The following EIF5B variants were observed in gnomAD, a reference collection of about 807,000 sequenced individuals.
EIF5B encodes the protein eukaryotic translation initiation factor 5B.
EIF5B carries 47 observed loss-of-function variants against 147.5 expected under a neutral mutation model. The observed-to-expected ratio is 0.32, with a 90% CI of 0.25 to 0.41. The LOEUF is 0.41. EIF5B is among the 10% of genes least tolerant of loss of function. EIF5B has a pLI of 1.00. For missense variants in EIF5B, 1,064 were observed against 1,413.2 expected, an observed-to-expected ratio of 0.75 and a Z score of 3.96; for synonymous variants, 455 against 456.2, an observed-to-expected ratio of 1.00 and a Z score of 0.03.
chr2:99,368,003 G>T (rs1674366202), intron 6 of EIF5B, among the ~76,000 whole-genome samples: 2 of 152,178 alleles, frequency 1.3e-5, no homozygotes, highest in African/African-American at 4.8e-5. Flanking sequence ...TAAGCAAACT[G>T]ATATATCCAT....
intron 1 of EIF5B, chr2:99,338,434 AC>A (rs2094249576): frequency 2.3e-6 from 2 of 863,540 alleles, no homozygotes; most frequent in South Asian, 2.8e-5. Flanking sequence ...TTCGTACACT[AC>A]CCACCAAACT....
Position 99,399,746 on chromosome 2 carries a change from TG to T in EIF5B, c.*333del, listed in dbSNP as rs1675163158. 1 of 240,856 alleles carries T rather than the reference TG, an allele frequency of 4.2e-6. No homozygotes were observed. Among genetic ancestry groups the T allele is most frequent in the Non-Finnish European group, 8.4e-6 (1 of 119,014 alleles). The allele number at this position is 240,856 out of a possible 1,614,324, so 14.9% of individuals were successfully genotyped here. On this transcript the variant is annotated 3_prime_UTR_variant, in exon 24 of 24. Coordinates refer to ENST00000289371, the MANE Select transcript of EIF5B (RefSeq NM_015904.4). ...ATCTAAAGCTCTTTCGATTTTATAC[TG>T]ATTAAATCAGTACTGCAGTATTTGA...
Position 99,361,253 on chromosome 2 carries a change from G to T in EIF5B, c.352G>T (p.Asp118Tyr). 1 of 1,612,668 alleles carries T rather than the reference G, an allele frequency of 6.2e-7. No individual in the cohort carries two copies. The highest frequency in any genetic ancestry group is 1.1e-5 in the South Asian group (1 of 90,632). ...TGATAATGATAGCGAAGAATTGGAA[G>T]ATAAAGATTCAAAATCAAAAAAGAC... Reference protein sequence around the residue: ...FDDNDSEELEDKDSKSKKTAK... With the variant: ...FDDNDSEELEYKDSKSKKTAK... Residue 118 changes from aspartate (D) to tyrosine (Y), a missense_variant, in exon 4 of 24, where the codon GAT becomes TAT. By Grantham distance (160) the Asp-to-Tyr change is radical. This residue lies in a region of EIF5B where 458 missense variants were observed against 451.3 expected (regional missense o/e 1.01). Transcript: ENST00000289371.
chr2:99,369,849 G>T (rs537427059), intron 8 of EIF5B, among the ~76,000 whole-genome samples: 2 of 151,674 alleles, frequency 1.3e-5, no homozygotes, highest in African/African-American at 2.4e-5. Flanking sequence ...GGTGGCGGGT[G>T]CCTGTAATCC....
At chr2:99,385,947 T>C (rs1248810262) in intron 14 of EIF5B, among the ~76,000 whole-genome samples, 2 of 152,262 alleles carry the variant, frequency 1.3e-5, no homozygotes, top group Non-Finnish European at 2.9e-5. Flanking sequence ...TTGCCTGTTT[T>C]ATGATTTCAT....
chr2:99,353,706 T>A (rs1674033406), intron 1 of EIF5B, among the ~76,000 whole-genome samples: 1 of 152,214 alleles, frequency 6.6e-6, no homozygotes, highest in Admixed American at 6.5e-5. Flanking sequence ...CTCACCTGTC[T>A]CTAACCTCAG....
intron 4 of EIF5B, among the ~76,000 whole-genome samples, 154 bp downstream of exon 4, chr2:99,361,974 C>T (rs1574925878): frequency 1.3e-5 from 2 of 152,166 alleles, no homozygotes; most frequent in East Asian, 3.8e-4. Flanking sequence ...AAGTATTTGA[C>T]TTGATTTGCA....
intron 17 of EIF5B, among the ~76,000 whole-genome samples, 186 bp downstream of exon 17, chr2:99,390,891 G>A (rs1055084505): frequency 2.0e-5 from 3 of 152,182 alleles, no homozygotes; most frequent in Non-Finnish European, 4.4e-5. Flanking sequence ...ATGTGTGAAA[G>A]TACCTGCTTA....
Position 99,394,275 on chromosome 2 carries a change from G to C in EIF5B, c.2889G>C (p.Leu963Phe). 6.2e-7 allele frequency: 1 copy of C among 1,608,488 alleles called. No homozygotes were observed. ...TCTGATTTCTTTTCAAGGATGAATT[G>C]ATCCATGAGTTAAAGCAGACACTAA... ...EDEIPVLKDE[L>F]IHELKQTLNA... is the part of the protein sequence containing the mutation. The change falls in exon 19 of 24, where the codon TTG becomes TTC. Residue 963 changes from leucine (L) to phenylalanine (F), a missense_variant. Coordinates refer to ENST00000289371, the MANE Select transcript of EIF5B (RefSeq NM_015904.4).
At position 99,369,611 on chromosome 2, in the gene EIF5B, C is replaced by A. The variant is rs1027064032; in HGVS notation, c.1477+130C>A. ...AGTATCTGGCTGGATGGCCCTCTTT[C>A]TTCATAGTTCTTTCTTTTCTATTTC... On this transcript the variant is annotated intron_variant, in intron 8 of 23. Coordinates refer to ENST00000289371, the MANE Select transcript of EIF5B (RefSeq NM_015904.4). 58 of 594,114 alleles carry A rather than the reference C, an allele frequency of 9.8e-5. No homozygotes were observed. The African/African-American group carries it at 1.0e-3, about 10-fold the overall frequency. 36.8% of individuals were successfully genotyped at this position (594,114 alleles called of 1,614,324 possible).
At position 99,393,150 on chromosome 2, in the gene EIF5B, G is replaced by GT. The variant is rs765678745; in HGVS notation, c.2880+53dup. On this transcript the variant is annotated intron_variant, in intron 18 of 23. Transcript: ENST00000289371. Reference sequence around the variant, plus strand: ...TTAAAAGCTATTTGAGTTCTGGCATGTGTCAGCATTGCACATGCTAGGGAT... The same window carrying GT: ...TTAAAAGCTATTTGAGTTCTGGCATGTTGTCAGCATTGCACATGCTAGGGAT... The GT allele has an allele frequency of 6.3e-6, 9 of 1,418,680 alleles. No homozygotes were observed. The South Asian group carries it at 1.4e-4, about 22-fold the overall frequency. 87.9% of individuals were successfully genotyped at this position (1,418,680 alleles called of 1,614,324 possible).
At position 99,401,164 on chromosome 2, in the gene EIF5B, A is replaced by G. The variant is rs1041240700; in HGVS notation, c.*1750A>G. ...TAAAATTATAAAAACTCCGAGCATTACTATCATGCACTTTGCAAATACCTC... is the reference window on the plus strand; with the variant it reads ...TAAAATTATAAAAACTCCGAGCATTGCTATCATGCACTTTGCAAATACCTC... On this transcript the variant is annotated 3_prime_UTR_variant, in exon 24 of 24. Transcript: ENST00000289371. The G allele has an allele frequency of 1.3e-6, 1 of 762,730 alleles. No individual in the cohort carries two copies. Among genetic ancestry groups the G allele is most frequent in the African/African-American group, 1.7e-5 (1 of 57,500 alleles). 47.2% of individuals were successfully genotyped at this position (762,730 alleles called of 1,614,324 possible). A position where few individuals can be genotyped will look rare whatever the true frequency, so the allele number is the denominator to read the frequency against.
chr2:99,385,875 C>A (rs544544612), intron 14 of EIF5B, among the ~76,000 whole-genome samples: 42 of 152,194 alleles, frequency 2.8e-4, no homozygotes, highest in Non-Finnish European at 5.0e-4. Flanking sequence ...ACTTTGCAGT[C>A]ATTCTGCTGC....
intron 11 of EIF5B, 45 bp from the exon 12 acceptor site, chr2:99,379,273 T>G: frequency 6.5e-7 from 1 of 1,538,508 alleles, no homozygotes; most frequent in Non-Finnish European, 8.9e-7. Context: ...TGCTGCTATC[T>G]TTTCCATGTT....
intron 1 of EIF5B, among the ~76,000 whole-genome samples, chr2:99,343,539 C>T (rs1009468475): frequency 6.6e-6 from 1 of 151,848 alleles, no homozygotes; most frequent in Admixed American, 6.6e-5. Context: ...TATTGCTGGC[C>T]GGGCACAGTG....
rs1430958226 is a variant in EIF5B, at chr2:99,369,448, G to C, written c.1444G>C (p.Glu482Gln). 1 of 1,610,626 alleles carries C rather than the reference G, an allele frequency of 6.2e-7. No individual in the cohort carries two copies. The highest frequency in any genetic ancestry group is 1.3e-5 in the African/African-American group (1 of 74,840). ...AGAAGTTATGGAACAAGGAGTACCA[G>C]AAAAGGAAGAGACACCACCTCCTGT... ...AVEVMEQGVP[E>Q]KEETPPPVEP... is the part of the protein sequence containing the mutation. Residue 482 changes from glutamate to glutamine, a missense_variant, in exon 8 of 24, where the codon GAA becomes CAA. By Grantham distance (29) the Glu-to-Gln change is conservative. Coordinates refer to ENST00000289371, the MANE Select transcript of EIF5B (RefSeq NM_015904.4).
intron 14 of EIF5B, among the ~76,000 whole-genome samples, chr2:99,384,121 C>T (rs1021235266): frequency 1.4e-5 from 2 of 142,784 alleles, no homozygotes; most frequent in Admixed American, 7.5e-5. Context: ...GGCGTGAACC[C>T]GGGAGGCGGA....
chr2:99,398,960 TCTTGGGTCA>T (rs746501308), intron 23 of EIF5B, 51 bp downstream of exon 23: 1 of 1,581,314 alleles, frequency 6.3e-7, no homozygotes, highest in Non-Finnish European at 8.6e-7. Flanking sequence ...GAATCACTCT[TCTTGGGTCA>T]CCTGTACCTG....
chr2:99,360,073 G>T (rs529814939), intron 1 of EIF5B, among the ~76,000 whole-genome samples, 163 bp from the exon 2 acceptor site: 37 of 152,270 alleles, frequency 2.4e-4, no homozygotes, highest in Non-Finnish European at 4.9e-4. Context: ...ATGTAGGGAG[G>T]CTGATAAGTA....
Sources: allele counts gnomAD v4.1 joint callset (sites outside exome capture counted in the v4.1 genomes callset), GRCh38; gene constraint gnomAD v4.1.1; regional missense constraint gnomAD v4.1.1; transcripts MANE v1.5; gene names NCBI Gene and HGNC (gene_info 2026-07-23, HGNC 2026-07-21).